Variants in NOTCH3 observed in about 807,000 individuals in gnomAD.
NOTCH3 encodes the protein notch receptor 3.
Under a neutral mutation model 213.3 loss-of-function variants are expected in NOTCH3, and 86 were observed. That is an observed-to-expected ratio of 0.40 (90% CI 0.34 to 0.48). The LOEUF (loss-of-function observed/expected upper bound fraction) is 0.48. Among genes scored for constraint, NOTCH3 ranks in the 20% least tolerant of loss-of-function variants. The pLI is 0.57. For missense variants in NOTCH3, 2,783 were observed against 3,272.6 expected (o/e 0.85, Z 3.65); for synonymous variants, 1,354 against 1,355.9 (o/e 1.00, Z 0.03).
At chr19:15,180,020 G>A (rs1434049614) in intron 20 of NOTCH3, 52 bp downstream of exon 20, 2 of 1,269,582 alleles carry the variant, frequency 1.6e-6, no homozygotes, top group East Asian at 2.3e-5. Context: ...GTGCCCAGAC[G>A]CACCCAAGCA....
At position 15,161,295 on chromosome 19, in the gene NOTCH3, GA is replaced by G; in HGVS notation, c.6332del (p.Phe2111SerfsTer38). The G allele has an allele frequency of 6.5e-7, 1 of 1,532,964 alleles. No individual in the cohort carries two copies. 95.0% of individuals were successfully genotyped at this position (1,532,964 alleles called of 1,614,324 possible). A position where few individuals can be genotyped will look rare whatever the true frequency, so the allele number is the denominator to read the frequency against. ...CACCAGGGGAAGCAGGGGGCCCACC[GA>G]AAGGCCGCGGGGAGTCCAGCGAGTC... ...PVDSLDSPRPFGGPPASPGGF... is the reference protein window; with the variant it reads ...PVDSLDSPRPXGGPPASPGGF... On this transcript the variant is annotated frameshift_variant, in exon 33 of 33. Transcript: ENST00000263388. LOFTEE classifies it low-confidence loss of function (END_TRUNC).
rs1426812506 is a variant in NOTCH3, at chr19:15,160,937, G to C, written c.6691C>G (p.Pro2231Ala). 2 of 1,597,942 alleles carry C rather than the reference G, an allele frequency of 1.3e-6. No homozygotes were observed. The highest frequency in any genetic ancestry group is 1.7e-6 in the Non-Finnish European group (2 of 1,171,962). Residue 2231 changes from proline (P) to alanine (A), a missense_variant, in exon 33 of 33, where the codon CCA becomes GCA. Pro to Ala is a conservative substitution (Grantham distance 27). Around this residue, in one of 6 missense-constraint regions of NOTCH3, gnomAD observed 441 missense variants for 432.1 expected, o/e 1.02. Coordinates refer to ENST00000263388, the MANE Select transcript of NOTCH3 (RefSeq NM_000435.3). ...YPAAGAHSSPPKARFLRVPSE... is the reference protein window; with the variant it reads ...YPAAGAHSSPAKARFLRVPSE... ...GGAACCCGCAGGAAGCGGGCCTTTG[G>C]GGGGCTGCTGTGTGCCCCAGCCGCC... is the stretch of plus-strand genomic sequence containing the variant.
At chr19:15,184,257 C>A (rs888570272) in intron 16 of NOTCH3, 38 bp downstream of exon 16, 1 of 1,603,772 alleles carries the variant, frequency 6.2e-7, no homozygotes, top group African/African-American at 1.3e-5. Flanking sequence ...TGACTGTGTT[C>A]CCCAGAGCAG....
intron 2 of NOTCH3, among the ~76,000 whole-genome samples, chr19:15,193,209 CT>C (rs988265443): frequency 2.7e-5 from 4 of 150,844 alleles, no homozygotes; most frequent in Non-Finnish European, 3.0e-5. Context: ...TAGGACCTTA[CT>C]TTTTTTTTAA....
intron 29 of NOTCH3, 25 bp downstream of exon 29, chr19:15,167,224 C>T (rs1568348164): frequency 6.2e-7 from 1 of 1,606,454 alleles, no homozygotes; most frequent in Non-Finnish European, 8.5e-7. Flanking sequence ...AGGGGCATCC[C>T]TTTGGGAGGG....
chr19:15,174,390 C>T lies in NOTCH3; in HGVS notation c.4414G>A (p.Glu1472Lys). 1 of 1,527,074 alleles carries T rather than the reference C, an allele frequency of 6.5e-7. No individual in the cohort carries two copies. The highest frequency in any genetic ancestry group is 8.8e-7 in the Non-Finnish European group (1 of 1,131,510). The allele number at this position is 1,527,074 out of a possible 1,614,324, so 94.6% of individuals were successfully genotyped here. ...GRERTCNPVY[E>K]KYCADHFADG... The stretch of plus-strand genomic sequence containing the variant: ...GCAAAGTGGTCGGCGCAGTACTTCT[C>T]GTACACCGGGCTGGTGGGGAAGGGT... The change falls in exon 25 of 33, where the codon GAG becomes AAG. Residue 1472 changes from glutamate to lysine, a missense_variant. This residue lies in a region of NOTCH3 where 636 missense variants were observed against 801.8 expected (regional missense o/e 0.79). Coordinates refer to ENST00000263388, the MANE Select transcript of NOTCH3 (RefSeq NM_000435.3).
rs763830200 is a variant in NOTCH3 at position 15,189,191 on chromosome 19, G to C, written c.1193-17C>G. The C allele has an allele frequency of 6.2e-7, 1 of 1,613,250 alleles. No individual in the cohort carries two copies. The highest frequency in any genetic ancestry group is 8.5e-7 in the Non-Finnish European group (1 of 1,180,032). ...GGTTGGCGCCTGCCGGATGGAGTGC[G>C]ATCGGTGTGGGCGTGGCTGGCCGGG... On this transcript the variant is annotated splice_polypyrimidine_tract_variant and intron_variant, in intron 7 of 32. Coordinates refer to ENST00000263388, the MANE Select transcript of NOTCH3 (RefSeq NM_000435.3).
chr19:15,165,217 C>G lies in NOTCH3; in HGVS notation c.5815+151G>C. ...GGCACCCTAAGGACTAGTGGTGACC[C>G]TGCATGACCCTGCAGGCTTCATGAA... On this transcript the variant is annotated intron_variant, in intron 31 of 32. Coordinates refer to ENST00000263388, the MANE Select transcript of NOTCH3 (RefSeq NM_000435.3). This position sits in a 1 kb window ranked among gnomAD's most constrained non-coding sequence, Gnocchi z 4.7. 1 of 826,576 alleles carries G rather than the reference C, an allele frequency of 1.2e-6. No individual in the cohort carries two copies. Among genetic ancestry groups the G allele is most frequent in the Non-Finnish European group, 2.0e-6 (1 of 488,654 alleles). The allele number at this position is 826,576 out of a possible 1,614,324, so 51.2% of individuals were successfully genotyped here.
At chr19:15,197,415 A>G (rs1568363898) in intron 2 of NOTCH3, 85 bp downstream of exon 2, 1 of 1,202,348 alleles carries the variant, frequency 8.3e-7, no homozygotes, top group South Asian at 1.3e-5. Flanking sequence ...CATGGTGAAC[A>G]CAGAGGCAGA....
Position 15,187,986 on chromosome 19 carries a change from C to T in NOTCH3, c.1501G>A (p.Gly501Ser), listed in dbSNP as rs1208817958. ...TCCACGTCCAGCTGACACGTGGAGCCGCTGAAGCCTGGGGTGGGGAGTGGG... is the reference window on the plus strand; with the variant it reads ...TCCACGTCCAGCTGACACGTGGAGCTGCTGAAGCCTGGGGTGGGGAGTGGG... ...FSCTCPSGFS[G>S]STCQLDVDEC... The change falls in exon 10 of 33, where the codon GGC becomes AGC. Residue 501 changes from glycine (G) to serine (S), a missense_variant. This residue lies in a region of NOTCH3 where 708 missense variants were observed against 906.6 expected (regional missense o/e 0.78). Transcript: ENST00000263388. 3 of 1,550,932 alleles carry T rather than the reference C, an allele frequency of 1.9e-6. No homozygotes were observed. Among genetic ancestry groups the T allele is most frequent in the Non-Finnish European group, 2.6e-6 (3 of 1,146,896 alleles).
rs71333358 is a variant in NOTCH3 at position 15,193,770 on chromosome 19, C to CAAA, written c.198-1254_198-1252dup. On this transcript the variant is annotated intron_variant, in intron 2 of 32. Transcript: ENST00000263388. ...TGGTTGACAGAGGGAGACTCCATCT[C>CAAA]AAAAAAAAACAAAAAACAAAAAAAA... 5.1e-4 allele frequency among the ~76,000 whole-genome samples: 14 copies of CAAA among 27,612 alleles called. 1 individual carries two copies. The highest frequency in any genetic ancestry group is 2.3e-3 in the African/African-American group (12 of 5,304). 18.1% of individuals were successfully genotyped at this position (27,612 alleles called of 152,430 possible). A position where few individuals can be genotyped will look rare whatever the true frequency, so the allele number is the denominator to read the frequency against.
intron 28 of NOTCH3, among the ~76,000 whole-genome samples, chr19:15,168,951 T>C (rs1032111370): frequency 6.6e-6 from 1 of 152,138 alleles, no homozygotes; most frequent in Non-Finnish European, 1.5e-5. Context: ...TCTTGCTCTG[T>C]TACCCAGGCT....
At position 15,170,356 on chromosome 19, in the gene NOTCH3, C is replaced by A; in HGVS notation, c.5089G>T (p.Val1697Leu). The change falls in exon 27 of 33, where the codon GTG (valine) becomes TTG (leucine). Residue 1697 changes from valine (V) to leucine (L), a missense_variant. By Grantham distance (32) the Val-to-Leu change is conservative. Coordinates refer to ENST00000263388, the MANE Select transcript of NOTCH3 (RefSeq NM_000435.3). ...ASGHKGRREP[V>L]GQDALGMKNM... ...TTCATGCCCAGCGCGTCCTGGCCCACGGGTTCCCGCCGGCCCTTGTGACCA... is the reference window on the plus strand; with the variant it reads ...TTCATGCCCAGCGCGTCCTGGCCCAAGGGTTCCCGCCGGCCCTTGTGACCA... 6.2e-7 allele frequency: 1 copy of A among 1,613,594 alleles called. No individual in the cohort carries two copies. The highest frequency in any genetic ancestry group is 8.5e-7 in the Non-Finnish European group (1 of 1,179,986).
At chr19:15,190,555 C>T (rs2046918985) in intron 6 of NOTCH3, among the ~76,000 whole-genome samples, 1 of 152,152 alleles carries the variant, frequency 6.6e-6, no homozygotes, top group Admixed American at 6.6e-5. Context: ...CTTACACTTC[C>T]CCACTAAAGC....
intron 8 of NOTCH3, 66 bp from the exon 9 acceptor site, chr19:15,188,414 G>C: frequency 2.9e-6 from 3 of 1,022,980 alleles, no homozygotes; most frequent in Non-Finnish European, 4.5e-6. Context: ...GTGCAAGGAA[G>C]GAGGTACTTC....
chr19:15,163,827 T>C (rs572009897), intron 31 of NOTCH3, among the ~76,000 whole-genome samples: 2 of 152,060 alleles, frequency 1.3e-5, no homozygotes, highest in Non-Finnish European at 2.9e-5. Flanking sequence ...TGATACCCTA[T>C]GTCTAAAAAT....
chr19:15,187,007 G>C lies in NOTCH3; in HGVS notation c.1841-19C>G, dbSNP rs969888766. On this transcript the variant is annotated intron_variant, in intron 11 of 32. Transcript: ENST00000263388. The stretch of plus-strand genomic sequence containing the variant: ...TTCACACCTAGGGGCCAGGAACATG[G>C]CATGGAGTGGCCACCACTGTGCCCC... 3.1e-6 allele frequency: 5 copies of C among 1,611,378 alleles called. No individual in the cohort carries two copies. The African/African-American group carries it at 6.7e-5, about 22-fold the overall frequency.
At chr19:15,186,852 C>T in intron 12 of NOTCH3, 26 bp downstream of exon 12, 1 of 1,580,314 alleles carries the variant, frequency 6.3e-7, no homozygotes, top group Non-Finnish European at 8.7e-7. Flanking sequence ...TCTAAGGACC[C>T]CCTCTCATGG....
At chr19:15,200,227 C>A (rs1279947130) in intron 1 of NOTCH3, among the ~76,000 whole-genome samples, 1 of 151,254 alleles carries the variant, frequency 6.6e-6, no homozygotes, top group Non-Finnish European at 1.5e-5. Flanking sequence ...GGGGAGGGGG[C>A]GCGCGCGCCG....
Sources: gnomAD v4.1 joint callset for allele counts (sites outside exome capture counted in the v4.1 genomes callset) on GRCh38, gnomAD v4.1.1 for gene constraint, gnomAD v4.1.1 regional missense constraint, Gnocchi (gnomAD v3.1) non-coding constraint, MANE v1.5 for transcripts, NCBI Gene and HGNC (gene_info 2026-07-23, HGNC 2026-07-21) for gene names.